The following CPLANE1 variants were observed in gnomAD, a reference collection of about 807,000 sequenced individuals.
The protein encoded by CPLANE1 is ciliogenesis and planar polarity effector 1.
A neutral mutation model predicts 362.5 loss-of-function variants in CPLANE1; 263 were observed. That is an observed-to-expected ratio of 0.73 (90% confidence interval 0.66 to 0.80). The LOEUF is 0.80. CPLANE1 is among the 30% of genes least tolerant of loss of function. The probability of loss-of-function intolerance (pLI) is 0.00; values close to 1 mark genes in which losing one functional copy is unlikely to be tolerated. For missense variants in CPLANE1, 3,461 were observed against 3,793.4 expected, an observed-to-expected ratio of 0.91 and a Z score of 2.30; for synonymous variants, 1,212 against 1,302.6, an observed-to-expected ratio of 0.93 and a Z score of 1.50.
chr5:37,193,810 C>G lies in CPLANE1; in HGVS notation c.3811+2048G>C, dbSNP rs186970540. 3.1e-3 allele frequency among the ~76,000 whole-genome samples: 473 copies of G among 152,154 alleles called. 4 individuals are homozygous for G. The highest frequency in any genetic ancestry group is 3.1e-3 in the Non-Finnish European group (214 of 67,992). On this transcript the variant is annotated intron_variant, in intron 21 of 52. Coordinates refer to ENST00000651892, the MANE Select transcript of CPLANE1 (RefSeq NM_001384732.1). Reference sequence around the variant, plus strand: ...CTGGAGATCAGTAGCAAGATCATAGCTCACTGCAGCCTAGAAATCCTGGGC... The same window carrying G: ...CTGGAGATCAGTAGCAAGATCATAGGTCACTGCAGCCTAGAAATCCTGGGC...
At chr5:37,156,493 T>C (rs1169604506) in intron 41 of CPLANE1, among the ~76,000 whole-genome samples, 1 of 152,044 alleles carries the variant, frequency 6.6e-6, no homozygotes, top group Non-Finnish European at 1.5e-5. Context: ...TAATCCTAGC[T>C]ACTTAGGAGG....
At chr5:37,132,574 C>T (rs1766256687) in intron 46 of CPLANE1, among the ~76,000 whole-genome samples, 1 of 152,142 alleles carries the variant, frequency 6.6e-6, no homozygotes, top group South Asian at 2.1e-4. Context: ...TCTCAATCTC[C>T]TGACCTTGTA....
chr5:37,150,482 T>C (rs1393652878), intron 42 of CPLANE1, among the ~76,000 whole-genome samples: 5 of 151,986 alleles, frequency 3.3e-5, no homozygotes, highest in African/African-American at 1.2e-4. Flanking sequence ...ATCATGTCCC[T>C]GATAGAAATC....
chr5:37,239,012 C>T, intron 7 of CPLANE1, 52 bp from the exon 8 acceptor site: 1 of 896,626 alleles, frequency 1.1e-6, no homozygotes. Context: ...TTACTGTAAC[C>T]ATTATTTATA....
Position 37,157,828 on chromosome 5 carries a change from T to C in CPLANE1, c.7853A>G (p.Asn2618Ser). 6.2e-7 allele frequency: 1 copy of C among 1,611,308 alleles called. No homozygotes were observed. The highest frequency in any genetic ancestry group is 8.5e-7 in the Non-Finnish European group (1 of 1,179,344). The part of the protein sequence containing the change: ...TYINVIDIEA[N>S]DLLQELPVRE... ...CACAGGTAATTCCTGTAGAAGATCA[T>C]TAGCTTCAATGTCAATCACATTTAT... The change falls in exon 40 of 53, where the codon AAT becomes AGT. Residue 2618 changes from asparagine (N) to serine (S), a missense_variant. Coordinates refer to ENST00000651892, the MANE Select transcript of CPLANE1 (RefSeq NM_001384732.1).
chr5:37,248,566 G>T (rs997899142), intron 1 of CPLANE1, among the ~76,000 whole-genome samples: 1 of 152,268 alleles, frequency 6.6e-6, no homozygotes, highest in East Asian at 1.9e-4. Context: ...GATCGCTTGA[G>T]GACAAGAGAG....
Position 37,106,480 on chromosome 5 carries a change from T to C in CPLANE1, c.*1122A>G, listed in dbSNP as rs1757657230. The C allele has an allele frequency of 5.4e-6, 2 of 371,416 alleles. No individual in the cohort carries two copies. The highest frequency in any genetic ancestry group is 1.1e-4 in the South Asian group (1 of 9,050). 23.0% of individuals were successfully genotyped at this position (371,416 alleles called of 1,614,324 possible). ...GTACAACTATCATGTATCAATAAAATACCCATAGAATATACAAAAAAGAAA... is the reference window on the plus strand; with the variant it reads ...GTACAACTATCATGTATCAATAAAACACCCATAGAATATACAAAAAAGAAA... On this transcript the variant is annotated 3_prime_UTR_variant, in exon 53 of 53. Coordinates refer to ENST00000651892, the MANE Select transcript of CPLANE1 (RefSeq NM_001384732.1).
At chr5:37,227,211 T>C in intron 11 of CPLANE1, 32 bp downstream of exon 11, 2 of 1,544,456 alleles carry the variant, frequency 1.3e-6, no homozygotes, top group Non-Finnish European at 1.7e-6. Flanking sequence ...GTCATAATTG[T>C]TCCAAGTAAA....
intron 26 of CPLANE1, 101 bp from the exon 27 acceptor site, chr5:37,181,106 T>C: frequency 1.1e-6 from 1 of 950,524 alleles, no homozygotes; most frequent in Non-Finnish European, 1.5e-6. Flanking sequence ...TGAATAATCC[T>C]CTTATTCATT....
chr5:37,247,822 G>C, intron 1 of CPLANE1, 77 bp from the exon 2 acceptor site: 1 of 1,077,162 alleles, frequency 9.3e-7, no homozygotes. Context: ...TTTGAGACAA[G>C]AGTTTCGTTC....
chr5:37,145,396 G>A (rs1771235434), intron 43 of CPLANE1, among the ~76,000 whole-genome samples: 2 of 152,136 alleles, frequency 1.3e-5, no homozygotes, highest in Admixed American at 6.5e-5. Context: ...TTGTTTGGGA[G>A]GTAGATATAT....
At position 37,144,712 on chromosome 5, in the gene CPLANE1, G is replaced by A. The variant is rs932162403; in HGVS notation, c.8462-2232C>T. 1.1e-4 allele frequency among the ~76,000 whole-genome samples: 17 copies of A among 151,652 alleles called. 1 individual carries two copies. Among genetic ancestry groups the A allele is most frequent in the Admixed American group, 5.9e-4 (9 of 15,236 alleles). On this transcript the variant is annotated intron_variant, in intron 43 of 52. Coordinates refer to ENST00000651892, the MANE Select transcript of CPLANE1 (RefSeq NM_001384732.1). ...TAAAAATACAAAAAATTAGCCGGGC[G>A]CGGTGGCGGGCACCTGTAGTCCCAG...
intron 51 of CPLANE1, among the ~76,000 whole-genome samples, chr5:37,112,743 AT>A (rs1343742084): frequency 1.3e-5 from 2 of 152,190 alleles, no homozygotes; most frequent in African/African-American, 2.4e-5. Context: ...ACTTGTGTCA[AT>A]TTGTGAGTCA....
intron 19 of CPLANE1, 132 bp downstream of exon 19, chr5:37,201,459 G>C (rs771612464): frequency 2.9e-6 from 2 of 684,120 alleles, no homozygotes; most frequent in African/African-American, 1.8e-5. Flanking sequence ...TTAGTGAACA[G>C]CAAAGCTGGG....
At chr5:37,164,914 G>C (rs1777837803) in intron 36 of CPLANE1, among the ~76,000 whole-genome samples, 1 of 152,064 alleles carries the variant, frequency 6.6e-6, no homozygotes, top group Non-Finnish European at 1.5e-5. Context: ...AGACCAGCCT[G>C]GGCAACACAG....
chr5:37,119,098 A>G (rs746035884), intron 50 of CPLANE1, among the ~76,000 whole-genome samples: 1 of 152,222 alleles, frequency 6.6e-6, no homozygotes, highest in Non-Finnish European at 1.5e-5. Context: ...ACAAATAACT[A>G]TGTTTTACTT....
At position 37,224,678 on chromosome 5, in the gene CPLANE1, C is replaced by T. The variant is rs535811932; in HGVS notation, c.2354G>A (p.Arg785Gln). ...KTLWYQAQLNRRVPEADSQLT... is the reference protein window; with the variant it reads ...KTLWYQAQLNQRVPEADSQLT... Reference sequence around the variant, plus strand: ...CTGACTATCAGCTTCAGGAACTCTTCGATTTAATTGTGCTTGATACCATAA... The same window carrying T: ...CTGACTATCAGCTTCAGGAACTCTTTGATTTAATTGTGCTTGATACCATAA... The change falls in exon 13 of 53, where the codon CGA becomes CAA. Residue 785 changes from arginine (R) to glutamine (Q), a missense_variant. This residue lies in a region of CPLANE1 where 3,380 missense variants were observed against 3,666.1 expected (regional missense o/e 0.92). Transcript: ENST00000651892. The T allele has an allele frequency of 5.2e-6, 8 of 1,551,504 alleles. No homozygotes were observed. In the African/African-American group the frequency reaches 6.8e-5, roughly 13 times the overall value.
chr5:37,120,630 C>G (rs1762366648), intron 49 of CPLANE1, among the ~76,000 whole-genome samples: 1 of 152,200 alleles, frequency 6.6e-6, no homozygotes, highest in South Asian at 2.1e-4. Context: ...TCACTTGATA[C>G]TGCCTAGTCT....
chr5:37,211,339 ACT>A (rs1176727055), intron 16 of CPLANE1: 13 of 1,505,818 alleles, frequency 8.6e-6, no homozygotes, highest in East Asian at 2.3e-5. Context: ...GACATTAAAA[ACT>A]CTGCCAAAGG....
Sources: gnomAD v4.1 joint callset for allele counts (sites outside exome capture counted in the v4.1 genomes callset) on GRCh38, gnomAD v4.1.1 for gene constraint, gnomAD v4.1.1 regional missense constraint, MANE v1.5 for transcripts, NCBI Gene and HGNC (gene_info 2026-07-23, HGNC 2026-07-21) for gene names.